Variants in NDUFS4 observed in about 807,000 individuals in gnomAD.
The protein encoded by NDUFS4 is NADH dehydrogenase [ubiquinone] iron-sulfur protein 4, mitochondrial.
NDUFS4 carries 28 observed loss-of-function variants against 24.3 expected under a neutral mutation model. The observed-to-expected ratio is 1.15, with a 90% CI of 0.85 to 1.58. The LOEUF (loss-of-function observed/expected upper bound fraction) is 1.58. Among genes scored for constraint, NDUFS4 ranks in the 40% most tolerant of loss-of-function variants. The probability of loss-of-function intolerance (pLI) is 0.00; values close to 1 mark genes in which losing one functional copy is unlikely to be tolerated. For synonymous variants in NDUFS4, 93 were observed against 69.7 expected, an observed-to-expected ratio of 1.34 and a Z score of -1.67; for missense variants, 223 against 207.9, an observed-to-expected ratio of 1.07 and a Z score of -0.45.
intron 2 of NDUFS4, among the ~76,000 whole-genome samples, chr5:53,643,363 AT>A (rs1561382100): frequency 6.6e-6 from 1 of 152,160 alleles, no homozygotes; most frequent in Non-Finnish European, 1.5e-5. Flanking sequence ...AAAAGTAGAA[AT>A]CCATAAAGAA....
At chr5:53,681,539 C>T (rs538601047) in intron 4 of NDUFS4, among the ~76,000 whole-genome samples, 8 of 152,212 alleles carry the variant, frequency 5.3e-5, no homozygotes, top group South Asian at 4.1e-4. Context: ...TGTTAATGTA[C>T]GTACTTTGTA....
chr5:53,679,256 T>C (rs1335902099), intron 4 of NDUFS4, among the ~76,000 whole-genome samples: 1 of 152,150 alleles, frequency 6.6e-6, no homozygotes, highest in Non-Finnish European at 1.5e-5. Context: ...AAATTTTTTT[T>C]CCCTACACAT....
chr5:53,651,579 T>C (rs1252518121), intron 3 of NDUFS4, among the ~76,000 whole-genome samples: 1 of 151,964 alleles, frequency 6.6e-6, no homozygotes, highest in Non-Finnish European at 1.5e-5. Context: ...ACTTGTATTT[T>C]TTTTAATCAG....
chr5:53,610,159 G>T (rs1242787739), intron 2 of NDUFS4, among the ~76,000 whole-genome samples: 1 of 152,096 alleles, frequency 6.6e-6, no homozygotes, highest in Non-Finnish European at 1.5e-5. Flanking sequence ...TTTACTTAAA[G>T]TGAGAGACAT....
chr5:53,630,114 G>T (rs899112552), intron 2 of NDUFS4, among the ~76,000 whole-genome samples: 2 of 152,110 alleles, frequency 1.3e-5, no homozygotes, highest in African/African-American at 4.8e-5. Flanking sequence ...GTCTGTAAAG[G>T]ATTTTATTTC....
At chr5:53,650,654 C>T (rs1751990119) in intron 3 of NDUFS4, among the ~76,000 whole-genome samples, 1 of 152,178 alleles carries the variant, frequency 6.6e-6, no homozygotes, top group Non-Finnish European at 1.5e-5. Flanking sequence ...GGACTGACTT[C>T]AGAAGGTCAG....
intron 1 of NDUFS4, among the ~76,000 whole-genome samples, chr5:53,572,202 G>A (rs1260755402): frequency 6.6e-6 from 1 of 152,204 alleles, no homozygotes; most frequent in Non-Finnish European, 1.5e-5. Context: ...AAGCCAGTTT[G>A]TTCTGATTCG....
chr5:53,587,731 C>T (rs1208013316), intron 1 of NDUFS4, among the ~76,000 whole-genome samples: 1 of 152,130 alleles, frequency 6.6e-6, no homozygotes, highest in Admixed American at 6.5e-5. Flanking sequence ...GCATGTGCCA[C>T]CATGCCCAGC....
chr5:53,580,181 A>G (rs878874929), intron 1 of NDUFS4, among the ~76,000 whole-genome samples: 1 of 152,264 alleles, frequency 6.6e-6, no homozygotes, highest in African/African-American at 2.4e-5. Context: ...TAAAGCCTAA[A>G]TGTAAATGAT....
chr5:53,606,513 C>T (rs1192723439), intron 2 of NDUFS4, among the ~76,000 whole-genome samples: 1 of 152,102 alleles, frequency 6.6e-6, no homozygotes, highest in Non-Finnish European at 1.5e-5. Context: ...ATTACAGGTG[C>T]CCGCCACCAC....
At chr5:53,603,986 C>T (rs185419115) in intron 2 of NDUFS4, among the ~76,000 whole-genome samples, 111 of 152,062 alleles carry the variant, frequency 7.3e-4, no homozygotes, top group Non-Finnish European at 2.9e-4. Context: ...TTTATTTCTT[C>T]ATATGTATGA....
chr5:53,598,086 C>T (rs1484966837), intron 1 of NDUFS4, among the ~76,000 whole-genome samples: 2 of 152,176 alleles, frequency 1.3e-5, no homozygotes, highest in Non-Finnish European at 2.9e-5. Flanking sequence ...CGACTGCAAT[C>T]CAAAATACTG....
At chr5:53,641,197 T>A (rs1042627351) in intron 2 of NDUFS4, among the ~76,000 whole-genome samples, 3 of 152,142 alleles carry the variant, frequency 2.0e-5, no homozygotes, top group Admixed American at 2.0e-4. Context: ...ATTTCATACA[T>A]GATGAAAAAG....
At chr5:53,643,891 C>T (rs1751770530) in intron 2 of NDUFS4, among the ~76,000 whole-genome samples, 1 of 152,066 alleles carries the variant, frequency 6.6e-6, no homozygotes, top group African/African-American at 2.4e-5. Context: ...CCCACTTGTT[C>T]AAATGCCAAC....
intron 3 of NDUFS4, 121 bp downstream of exon 3, chr5:53,646,526 T>C (rs1416304836): frequency 2.0e-6 from 2 of 1,000,068 alleles, no homozygotes; most frequent in Non-Finnish European, 3.1e-6. Context: ...TTTTTGACGC[T>C]GTTAAGTACC....
intron 2 of NDUFS4, among the ~76,000 whole-genome samples, chr5:53,637,892 G>C (rs1751603472): frequency 6.6e-6 from 1 of 151,966 alleles, no homozygotes; most frequent in South Asian, 2.1e-4. Context: ...TTGAAGATGA[G>C]GCAACTTAGA....
intron 4 of NDUFS4, among the ~76,000 whole-genome samples, chr5:53,674,027 C>G (rs911428872): frequency 6.6e-6 from 1 of 152,072 alleles, no homozygotes; most frequent in African/African-American, 2.4e-5. Flanking sequence ...TTTTCTCACC[C>G]ATCACATAGG....
chr5:53,646,189 T>C lies in NDUFS4; in HGVS notation c.178-44T>C, dbSNP rs557735635. 57 of 1,441,868 alleles carry C rather than the reference T, an allele frequency of 4.0e-5. 1 individual carries two copies. The South Asian group carries it at 4.1e-4, about 10-fold the overall frequency. 89.3% of individuals were successfully genotyped at this position (1,441,868 alleles called of 1,614,324 possible). A position where few individuals can be genotyped will look rare whatever the true frequency, so the allele number is the denominator to read the frequency against. ...AACAACAAAAGTACATTAGTGTGTA[T>C]GTAGGCTGTTTGAAACGTGTTTTTT... On this transcript the variant is annotated intron_variant, in intron 2 of 4. Coordinates refer to ENST00000296684, the MANE Select transcript of NDUFS4 (RefSeq NM_002495.4).
chr5:53,662,471 C>T (rs1375331647), intron 4 of NDUFS4, among the ~76,000 whole-genome samples: 3 of 152,054 alleles, frequency 2.0e-5, no homozygotes, highest in African/African-American at 4.8e-5. Context: ...TTTGTTGTGT[C>T]TCTGCCAGGC....
Sources: allele counts gnomAD v4.1 joint callset (sites outside exome capture counted in the v4.1 genomes callset), GRCh38; gene constraint gnomAD v4.1.1; transcripts MANE v1.5; gene names NCBI Gene and HGNC (gene_info 2026-07-23, HGNC 2026-07-21).